The following SLIT3 variants were observed in gnomAD, a reference collection of about 807,000 sequenced individuals.
SLIT3 encodes slit guidance ligand 3.
SLIT3 carries 68 observed loss-of-function variants against 184.0 expected under a neutral mutation model. The ratio of observed to expected loss-of-function variants is 0.37; its 90% CI spans 0.30 to 0.45. The LOEUF (loss-of-function observed/expected upper bound fraction) is 0.45, where lower values mean the gene tolerates loss of function less well. Among genes scored for constraint, SLIT3 ranks in the 20% least tolerant of loss-of-function variants. The pLI is 1.00. For synonymous variants in SLIT3, 831 were observed against 828.6 expected (o/e 1.00, Z -0.05); for missense variants, 1,707 against 2,026.0 (o/e 0.84, Z 3.02).
intron 4 of SLIT3, among the ~76,000 whole-genome samples, chr5:168,928,062 G>A (rs1761884910): frequency 6.6e-6 from 1 of 152,178 alleles, no homozygotes; most frequent in African/African-American, 2.4e-5. Context: ...AGACCTTCAA[G>A]TCAGAGATCA....
intron 35 of SLIT3, 35 bp downstream of exon 35, chr5:168,669,748 C>T (rs907712616): frequency 6.4e-7 from 1 of 1,573,364 alleles, no homozygotes; most frequent in Non-Finnish European, 8.7e-7. Flanking sequence ...ACTCTGACCC[C>T]CACTTCCTCC....
intron 4 of SLIT3, among the ~76,000 whole-genome samples, chr5:168,970,499 T>TAAAA (rs35085723): frequency 7.8e-6 from 1 of 127,410 alleles, no homozygotes; most frequent in Non-Finnish European, 1.8e-5. Context: ...CTGTCTCAAA[T>TAAAA]AAAAAAAAAA....
At chr5:169,189,908 A>G (rs932786704) in intron 4 of SLIT3, among the ~76,000 whole-genome samples, 9 of 152,176 alleles carry the variant, frequency 5.9e-5, no homozygotes, top group African/African-American at 1.7e-4. Context: ...TAGCGCTATT[A>G]TCTATCTAAA....
rs182380607 is a variant in SLIT3 at position 169,032,987 on chromosome 5, G to A, written c.414-149651C>T. Among the ~76,000 whole-genome samples, 58 of 118,362 alleles carry A rather than the reference G, an allele frequency of 4.9e-4. No individual in the cohort carries two copies. The East Asian group carries it at 0.013, about 27-fold the overall frequency. 77.7% of individuals were successfully genotyped at this position (118,362 alleles called of 152,430 possible). A position where few individuals can be genotyped will look rare whatever the true frequency, so the allele number is the denominator to read the frequency against. ...CAGCTGAAATCTACTCCTGTAGCATGAATCCCAAATATAGCACAGTTTTCT... is the reference window on the plus strand; with the variant it reads ...CAGCTGAAATCTACTCCTGTAGCATAAATCCCAAATATAGCACAGTTTTCT... On this transcript the variant is annotated intron_variant, in intron 4 of 35. Transcript: ENST00000519560.
intron 16 of SLIT3, among the ~76,000 whole-genome samples, chr5:168,757,317 G>A (rs1036625899): frequency 3.9e-5 from 6 of 152,208 alleles, no homozygotes; most frequent in Non-Finnish European, 8.8e-5. Flanking sequence ...TGTTTAATTT[G>A]TGCTCACTGC....
intron 4 of SLIT3, among the ~76,000 whole-genome samples, chr5:168,941,157 T>C (rs1018316481): frequency 1.3e-5 from 2 of 152,226 alleles, no homozygotes. Flanking sequence ...TTTAATTTTG[T>C]TCCACTTTTT....
chr5:168,719,793 C>T (rs1469485740), intron 23 of SLIT3: 1 of 152,142 alleles, frequency 6.6e-6, no homozygotes, highest in Non-Finnish European at 1.5e-5. Flanking sequence ...CTGAATTGGC[C>T]CTTAGGCAGA....
intron 4 of SLIT3, among the ~76,000 whole-genome samples, chr5:169,134,656 G>A (rs1423399040): frequency 6.6e-6 from 1 of 152,178 alleles, no homozygotes; most frequent in Non-Finnish European, 1.5e-5. Context: ...TGAAAATGTC[G>A]AGTTGATGGG....
intron 20 of SLIT3, among the ~76,000 whole-genome samples, chr5:168,736,354 C>A (rs145486910): frequency 2.0e-3 from 304 of 152,272 alleles, no homozygotes; most frequent in African/African-American, 7.0e-3. Flanking sequence ...TGCCAGGACT[C>A]ATAAGTGCTG....
intron 1 of SLIT3, among the ~76,000 whole-genome samples, chr5:169,259,105 C>G (rs1026287962): frequency 2.6e-5 from 4 of 152,174 alleles, no homozygotes; most frequent in Non-Finnish European, 1.5e-5. Context: ...CAGAGTCTTG[C>G]TCTCTTGCTC....
chr5:169,143,475 G>A (rs1581454130), intron 4 of SLIT3, among the ~76,000 whole-genome samples: 1 of 152,224 alleles, frequency 6.6e-6, no homozygotes, highest in African/African-American at 2.4e-5. Flanking sequence ...CATTGCTGCA[G>A]TATGATTTCA....
At chr5:168,829,128 C>G (rs886229598) in intron 6 of SLIT3, among the ~76,000 whole-genome samples, 6 of 152,164 alleles carry the variant, frequency 3.9e-5, no homozygotes, top group African/African-American at 1.2e-4. Flanking sequence ...GGAGGAGACA[C>G]GTCCAGCTGC....
intron 4 of SLIT3, among the ~76,000 whole-genome samples, chr5:168,921,128 G>A (rs1761622439): frequency 6.6e-6 from 1 of 152,072 alleles, no homozygotes; most frequent in South Asian, 2.1e-4. Flanking sequence ...TCTGACATGT[G>A]GAAAGGAAAA....
At chr5:169,031,179 C>T (rs577538923) in intron 4 of SLIT3, among the ~76,000 whole-genome samples, 1 of 152,264 alleles carries the variant, frequency 6.6e-6, no homozygotes, top group East Asian at 1.9e-4. Flanking sequence ...TTTCAGACTC[C>T]CTGGCTTGTG....
chr5:169,249,083 T>C (rs1765690113), intron 2 of SLIT3, among the ~76,000 whole-genome samples: 2 of 152,154 alleles, frequency 1.3e-5, no homozygotes, highest in South Asian at 2.1e-4. Context: ...AAAAATCTTT[T>C]TAAAAAAGAT....
chr5:169,294,763 C>T (rs1246767728), intron 1 of SLIT3, among the ~76,000 whole-genome samples: 1 of 152,142 alleles, frequency 6.6e-6, no homozygotes, highest in East Asian at 1.9e-4. Flanking sequence ...CACACGAGCC[C>T]AGATGGTCTA....
intron 22 of SLIT3, among the ~76,000 whole-genome samples, chr5:168,722,599 G>A (rs917981694): frequency 1.3e-5 from 2 of 152,168 alleles, no homozygotes; most frequent in African/African-American, 4.8e-5. Flanking sequence ...TACTCACAAT[G>A]TGTAAAGCTA....
chr5:168,768,043 G>A (rs557593009), intron 14 of SLIT3: 1 of 361,280 alleles, frequency 2.8e-6, no homozygotes, highest in East Asian at 7.9e-5. Flanking sequence ...CCTGCCTTTG[G>A]TGAGTTGAGA....
chr5:168,861,197 G>T (rs903918853), intron 5 of SLIT3, among the ~76,000 whole-genome samples: 2 of 152,128 alleles, frequency 1.3e-5, no homozygotes, highest in Non-Finnish European at 2.9e-5. Flanking sequence ...ATGTTGGTGT[G>T]CTGCACCCAT....
Sources: gnomAD v4.1 joint callset for allele counts (sites outside exome capture counted in the v4.1 genomes callset) on GRCh38, gnomAD v4.1.1 for gene constraint, MANE v1.5 for transcripts, NCBI Gene and HGNC (gene_info 2026-07-23, HGNC 2026-07-21) for gene names.